The following RAD54L2 variants were observed in gnomAD, a reference collection of about 807,000 sequenced individuals.
RAD54L2 encodes helicase ARIP4.
A neutral mutation model predicts 138.4 loss-of-function variants in RAD54L2; 27 were observed. The observed-to-expected ratio is 0.20, with a 90% confidence interval of 0.14 to 0.27. The LOEUF is 0.27. RAD54L2 is among the 10% of genes least tolerant of loss of function. RAD54L2 has a pLI of 1.00. For missense variants in RAD54L2, 1,396 were observed against 1,890.2 expected (o/e 0.74, Z 4.85); for synonymous variants, 644 against 723.2 (o/e 0.89, Z 1.76).
chr3:51,551,546 G>A (rs1355786930), intron 2 of RAD54L2, among the ~76,000 whole-genome samples: 1 of 145,908 alleles, frequency 6.9e-6, no homozygotes, highest in Non-Finnish European at 1.5e-5. Flanking sequence ...AGTGATTCTC[G>A]TTCCTCAGCC....
At chr3:51,571,726 G>A (rs1162642493) in intron 2 of RAD54L2, among the ~76,000 whole-genome samples, 1 of 152,094 alleles carries the variant, frequency 6.6e-6, no homozygotes, top group Non-Finnish European at 1.5e-5. Flanking sequence ...ATGTGTACAT[G>A]TACGCATGCA....
intron 3 of RAD54L2, among the ~76,000 whole-genome samples, chr3:51,594,060 CTTTT>C (rs1699900066): frequency 7.6e-6 from 1 of 131,402 alleles, no homozygotes; most frequent in African/African-American, 2.8e-5. Flanking sequence ...TTTCTTTTTT[CTTTT>C]TCTTTTTTTT....
chr3:51,566,077 C>T (rs1336910186), intron 2 of RAD54L2, among the ~76,000 whole-genome samples: 1 of 152,166 alleles, frequency 6.6e-6, no homozygotes, highest in Non-Finnish European at 1.5e-5. Context: ...ATATGCCCGC[C>T]TCGGCCTCCC....
At chr3:51,646,178 C>G (rs1701273624) in intron 18 of RAD54L2, 107 bp from the exon 19 acceptor site, 1 of 1,007,098 alleles carries the variant, frequency 9.9e-7, no homozygotes, top group Non-Finnish European at 1.5e-6. Flanking sequence ...TCTGAGCAGT[C>G]TCTTCGCTAG....
At chr3:51,564,468 G>A (rs573277296) in intron 2 of RAD54L2, among the ~76,000 whole-genome samples, 2 of 152,240 alleles carry the variant, frequency 1.3e-5, no homozygotes, top group Non-Finnish European at 2.9e-5. Context: ...ATAGAGTCAG[G>A]TGTTAGGAAT....
At chr3:51,583,121 TTAATGAAAAATATTTTC>T (rs1224648062) in intron 2 of RAD54L2, among the ~76,000 whole-genome samples, 1 of 152,184 alleles carries the variant, frequency 6.6e-6, no homozygotes, top group East Asian at 1.9e-4. Context: ...AATAACCTTT[TTAATGAAAAATATTTTC>T]TAAAACAATA....
chr3:51,541,245 G>A (rs1367060897), intron 1 of RAD54L2: 1 of 152,090 alleles, frequency 6.6e-6, no homozygotes, highest in African/African-American at 2.4e-5. Flanking sequence ...GGTATATCAA[G>A]CTTTTAATCA....
intron 19 of RAD54L2, among the ~76,000 whole-genome samples, chr3:51,652,747 T>G (rs949473707): frequency 6.6e-6 from 1 of 152,156 alleles, no homozygotes; most frequent in Non-Finnish European, 1.5e-5. Context: ...TGAAACTGGA[T>G]CCCTTCCTTA....
intron 2 of RAD54L2, among the ~76,000 whole-genome samples, chr3:51,550,770 G>A (rs1005236549): frequency 2.6e-5 from 4 of 152,126 alleles, no homozygotes; most frequent in Admixed American, 1.3e-4. Context: ...GTCCAGGCAC[G>A]GTGGCTTACA....
chr3:51,545,349 G>A (rs1399113932), intron 2 of RAD54L2, among the ~76,000 whole-genome samples: 4 of 151,944 alleles, frequency 2.6e-5, no homozygotes, highest in Non-Finnish European at 5.9e-5. Context: ...GTGCCACCAC[G>A]CCTGGCTAGT....
intron 2 of RAD54L2, among the ~76,000 whole-genome samples, chr3:51,582,159 G>A (rs1699619933): frequency 6.6e-6 from 1 of 151,986 alleles, no homozygotes; most frequent in Non-Finnish European, 1.5e-5. Context: ...CTCCCACCTT[G>A]GCTTCTCAAA....
At chr3:51,647,818 T>A (rs1006864876) in intron 19 of RAD54L2, among the ~76,000 whole-genome samples, 1 of 152,052 alleles carries the variant, frequency 6.6e-6, no homozygotes, top group Non-Finnish European at 1.5e-5. Flanking sequence ...CAGCCTAAAA[T>A]TTTTTTCCTT....
intron 2 of RAD54L2, among the ~76,000 whole-genome samples, chr3:51,552,237 A>G (rs1468305801): frequency 6.6e-6 from 1 of 152,040 alleles, no homozygotes; most frequent in African/African-American, 2.4e-5. Flanking sequence ...TTATTTACCT[A>G]GCTATCTAGC....
At chr3:51,604,318 G>A (rs1369307534) in intron 3 of RAD54L2, among the ~76,000 whole-genome samples, 2 of 152,132 alleles carry the variant, frequency 1.3e-5, no homozygotes, top group South Asian at 2.1e-4. Context: ...TGAGATAGGG[G>A]TCAAGGTTCA....
At chr3:51,552,598 T>C (rs34450233) in intron 2 of RAD54L2, among the ~76,000 whole-genome samples, 40 of 127,424 alleles carry the variant, frequency 3.1e-4, no homozygotes, top group Non-Finnish European at 5.1e-4. Context: ...AAAGAGAGGG[T>C]CTGACTCTTG....
At chr3:51,649,099 A>G (rs1701361482) in intron 19 of RAD54L2, among the ~76,000 whole-genome samples, 1 of 152,104 alleles carries the variant, frequency 6.6e-6, no homozygotes, top group Non-Finnish European at 1.5e-5. Context: ...CAGTGTAGAG[A>G]AGACCTTAAA....
At chr3:51,556,578 ATC>A (rs1394068737) in intron 2 of RAD54L2, among the ~76,000 whole-genome samples, 1 of 77,438 alleles carries the variant, frequency 1.3e-5, no homozygotes, top group African/African-American at 3.9e-5. Context: ...TCTTTTATCT[ATC>A]TCTCTTTTTT....
chr3:51,571,473 C>T (rs1229784953), intron 2 of RAD54L2, among the ~76,000 whole-genome samples: 2 of 150,470 alleles, frequency 1.3e-5, no homozygotes, highest in African/African-American at 4.9e-5. Flanking sequence ...CTCACTATAA[C>T]CTTCGCCTCC....
chr3:51,641,402 C>T (rs993136334), intron 14 of RAD54L2, among the ~76,000 whole-genome samples: 2 of 152,070 alleles, frequency 1.3e-5, no homozygotes, highest in Non-Finnish European at 2.9e-5. Flanking sequence ...CTACAGCCTC[C>T]GCCTCCTGGG....
Sources: allele counts gnomAD v4.1 joint callset (sites outside exome capture counted in the v4.1 genomes callset), GRCh38; gene constraint gnomAD v4.1.1; transcripts MANE v1.5; gene names NCBI Gene and HGNC (gene_info 2026-07-23, HGNC 2026-07-21).